The following FASTKD2 variants were observed in gnomAD, a reference collection of about 807,000 sequenced individuals.
FASTKD2 encodes FAST kinase domain-containing protein 2, mitochondrial.
FASTKD2 carries 51 observed loss-of-function variants against 63.6 expected under a neutral mutation model. The observed-to-expected ratio is 0.80, with a 90% confidence interval of 0.64 to 1.01. FASTKD2 has a LOEUF of 1.01. Among genes scored for constraint, FASTKD2 ranks in the 50% least tolerant of loss-of-function variants. FASTKD2 has a pLI of 0.00. For missense variants in FASTKD2, 786 were observed against 831.1 expected (o/e 0.95, Z 0.67); for synonymous variants, 284 against 293.4 (o/e 0.97, Z 0.33).
rs757378301 is a variant in FASTKD2, at chr2:206,766,908, A to G, written c.215A>G (p.Asp72Gly). ...TTTCATAACAGAATGCAATCAACTG[A>G]TATCATTAGATATCTCTTTCAGGAT... ...NNFHNRMQST[D>G]IIRYLFQDAF... is the part of the protein sequence containing the mutation. Residue 72 changes from aspartate to glycine, a missense_variant, in exon 2 of 12, where the codon GAT becomes GGT. Transcript: ENST00000402774. The G allele has an allele frequency of 1.1e-4, 182 of 1,597,644 alleles. No homozygotes were observed. The highest frequency in any genetic ancestry group is 1.9e-4 in the Admixed American group (11 of 57,698).
At position 206,767,072 on chromosome 2, in the gene FASTKD2, G is replaced by T; in HGVS notation, c.379G>T (p.Asp127Tyr). The change falls in exon 2 of 12, where the codon GAT (aspartate) becomes TAT (tyrosine). Residue 127 changes from aspartate (D) to tyrosine (Y), a missense_variant. Coordinates refer to ENST00000402774, the MANE Select transcript of FASTKD2 (RefSeq NM_001136193.2). Reference sequence around the variant, plus strand: ...GTCTCTTGTCCCTGTTGATAAATCTGATGATGAATTGAAGAAAGTAAACCT... The same window carrying T: ...GTCTCTTGTCCCTGTTGATAAATCTTATGATGAATTGAAGAAAGTAAACCT... ...KQSLVPVDKS[D>Y]DELKKVNLNH... 6.2e-7 allele frequency: 1 copy of T among 1,614,104 alleles called. No individual in the cohort carries two copies. Among genetic ancestry groups the T allele is most frequent in the Non-Finnish European group, 8.5e-7 (1 of 1,179,990 alleles).
At position 206,770,202 on chromosome 2, in the gene FASTKD2, C is replaced by G; in HGVS notation, c.881+8C>G. 6.7e-7 allele frequency: 1 copy of G among 1,484,212 alleles called. No individual in the cohort carries two copies. Among genetic ancestry groups the G allele is most frequent in the Non-Finnish European group, 9.4e-7 (1 of 1,061,626 alleles). 91.9% of individuals were successfully genotyped at this position (1,484,212 alleles called of 1,614,324 possible). A position where few individuals can be genotyped will look rare whatever the true frequency, so the allele number is the denominator to read the frequency against. On this transcript the variant is annotated splice_region_variant and intron_variant, in intron 3 of 11. Transcript: ENST00000402774. ...TCTACGAACGGGATTCAGGTGAGAA[C>G]TCTCTTATGCTTTCTTCATGTGGTT...
At chr2:206,791,389 A>C (rs1020611625) in intron 11 of FASTKD2, 1 of 358,468 alleles carries the variant, frequency 2.8e-6, no homozygotes, top group Non-Finnish European at 5.1e-6. Flanking sequence ...GCTACTATTT[A>C]AGACTTTGTT....
chr2:206,784,958 G>A (rs1690098494), intron 7 of FASTKD2, among the ~76,000 whole-genome samples: 1 of 152,158 alleles, frequency 6.6e-6, no homozygotes. Context: ...CTGTTTTCAC[G>A]CAGCTGATAA....
intron 7 of FASTKD2, among the ~76,000 whole-genome samples, chr2:206,784,287 A>C (rs552378303): frequency 6.6e-6 from 1 of 152,370 alleles, no homozygotes; most frequent in South Asian, 2.1e-4. Context: ...TTATGGAGGA[A>C]GGAGAAAGGA....
At position 206,794,657 on chromosome 2, in the gene FASTKD2, C is replaced by T. The variant is rs1690393531; in HGVS notation, c.*2855C>T. On this transcript the variant is annotated 3_prime_UTR_variant, in exon 12 of 12. Coordinates refer to ENST00000402774, the MANE Select transcript of FASTKD2 (RefSeq NM_001136193.2). ...CAGTTTAGAACTTTTAAAAAACATT[C>T]AAAAATTGAAAATTTCATATATACA... is the stretch of plus-strand genomic sequence containing the variant. Among the ~76,000 whole-genome samples the T allele has an allele frequency of 6.6e-6, 1 of 152,154 alleles. No individual in the cohort carries two copies. Among genetic ancestry groups the T allele is most frequent in the African/African-American group, 2.4e-5 (1 of 41,436 alleles).
At chr2:206,781,726 T>C (rs1444063647) in intron 7 of FASTKD2, among the ~76,000 whole-genome samples, 1 of 151,178 alleles carries the variant, frequency 6.6e-6, no homozygotes, top group Non-Finnish European at 1.5e-5. Context: ...CTCTGGTGTC[T>C]GACTGCTGTA....
intron 10 of FASTKD2, chr2:206,789,932 A>T (rs1299706386): frequency 6.6e-6 from 1 of 152,338 alleles, no homozygotes; most frequent in Non-Finnish European, 1.5e-5. Context: ...AATTTGTCTT[A>T]TAACAGCCAG....
At chr2:206,789,281 A>C (rs1368141842) in intron 10 of FASTKD2, 1 of 180,856 alleles carries the variant, frequency 5.5e-6, no homozygotes, top group Non-Finnish European at 1.2e-5. Context: ...ATACCCAATA[A>C]ATATTTTGCT....
rs1346172205 is a variant in FASTKD2 at position 206,792,748 on chromosome 2, G to A, written c.*946G>A. ...GACATCTTAGTATGTGCCGGGCACT[G>A]CTAAGTATTCATTTGTGTGCTGCCT... On this transcript the variant is annotated 3_prime_UTR_variant, in exon 12 of 12. Coordinates refer to ENST00000402774, the MANE Select transcript of FASTKD2 (RefSeq NM_001136193.2). Among the ~76,000 whole-genome samples the A allele has an allele frequency of 6.6e-6, 1 of 152,122 alleles. No individual in the cohort carries two copies. Among genetic ancestry groups the A allele is most frequent in the Non-Finnish European group, 1.5e-5 (1 of 68,016 alleles).
At chr2:206,788,680 T>C in intron 9 of FASTKD2, 139 bp from the exon 10 acceptor site, 1 of 618,040 alleles carries the variant, frequency 1.6e-6, no homozygotes, top group South Asian at 1.9e-5. Context: ...TGCAGTGAGC[T>C]GAGATCACAC....
At position 206,767,264 on chromosome 2, in the gene FASTKD2, A is replaced by G. The variant is rs1489331346; in HGVS notation, c.571A>G (p.Ile191Val). The G allele has an allele frequency of 5.0e-6, 8 of 1,614,234 alleles. No individual in the cohort carries two copies. Among genetic ancestry groups the G allele is most frequent in the South Asian group, 1.1e-5 (1 of 91,088 alleles). The change falls in exon 2 of 12, where the codon ATT becomes GTT. Residue 191 changes from isoleucine to valine, a missense_variant. Transcript: ENST00000402774. ...SSNYFTAMWTIAKRLSDDQKR... is the reference protein window; with the variant it reads ...SSNYFTAMWTVAKRLSDDQKR... ...CAACTATTTCACAGCAATGTGGACA[A>G]TTGCCAAAAGACTGTCTGATGACCA...
intron 6 of FASTKD2, among the ~76,000 whole-genome samples, chr2:206,772,762 A>G (rs902169923): frequency 6.6e-6 from 1 of 152,194 alleles, no homozygotes. Context: ...CTTTTATTAT[A>G]ATATAGGCTT....
Position 206,768,189 on chromosome 2 carries a change from G to A in FASTKD2, c.777+719G>A, listed in dbSNP as rs140949114. ...GAAGAATTTTAAGCAATGGGTTGAC[G>A]TGCTCAAATTTGTATTTTAGATCAC... On this transcript the variant is annotated intron_variant, in intron 2 of 11. Transcript: ENST00000402774. 2.4e-3 allele frequency among the ~76,000 whole-genome samples: 368 copies of A among 152,272 alleles called. 2 individuals carry two copies. The highest frequency in any genetic ancestry group is 8.3e-3 in the African/African-American group (345 of 41,556).
rs1439868134 is a variant in FASTKD2 at position 206,770,186 on chromosome 2, G to A, written c.873G>A (p.Thr291=). ...EPCKNVHVLR[T]GFRILVDQQV... is the part of the protein sequence containing the mutation. ...GCAAGAATGTTCATGTTCTACGAAC[G>A]GGATTCAGGTGAGAACTCTCTTATG... Residue 291 remains threonine, a synonymous_variant, in exon 3 of 12, where the codon ACG becomes ACA. Transcript: ENST00000402774. 1.9e-6 allele frequency: 3 copies of A among 1,592,088 alleles called. No individual in the cohort carries two copies. The highest frequency in any genetic ancestry group is 2.6e-6 in the Non-Finnish European group (3 of 1,160,110).
rs1301036878 is a variant in FASTKD2, at chr2:206,793,230, A to G, written c.*1428A>G. ...AGCGAGACTCTGTCTCAAAAAAAAA[A>G]AAAAAAAAAAAAAAAAAAAAATACA... On this transcript the variant is annotated 3_prime_UTR_variant, in exon 12 of 12. Coordinates refer to ENST00000402774, the MANE Select transcript of FASTKD2 (RefSeq NM_001136193.2). 2.7e-5 allele frequency among the ~76,000 whole-genome samples: 2 copies of G among 73,072 alleles called. No homozygotes were observed. Among genetic ancestry groups the G allele is most frequent in the African/African-American group, 9.5e-5 (2 of 20,950 alleles). 47.9% of individuals were successfully genotyped at this position (73,072 alleles called of 152,430 possible).
At chr2:206,783,810 C>G (rs1244310305) in intron 7 of FASTKD2, among the ~76,000 whole-genome samples, 1 of 152,096 alleles carries the variant, frequency 6.6e-6, no homozygotes, top group Admixed American at 6.5e-5. Context: ...TTCATTTAAC[C>G]TAGTGGTTTT....
chr2:206,786,357 A>G (rs1471907356), intron 7 of FASTKD2, among the ~76,000 whole-genome samples: 1 of 152,174 alleles, frequency 6.6e-6, no homozygotes, highest in Non-Finnish European at 1.5e-5. Context: ...ATAATTATGA[A>G]AAGGTTCTGG....
intron 7 of FASTKD2, among the ~76,000 whole-genome samples, chr2:206,775,535 A>G (rs1038983717): frequency 1.3e-5 from 2 of 151,840 alleles, no homozygotes; most frequent in Admixed American, 6.6e-5. Context: ...TTTTGCATCA[A>G]TCTTCATCAG....
Sources: gnomAD v4.1 joint callset for allele counts (sites outside exome capture counted in the v4.1 genomes callset) on GRCh38, gnomAD v4.1.1 for gene constraint, MANE v1.5 for transcripts, NCBI Gene and HGNC (gene_info 2026-07-23, HGNC 2026-07-21) for gene names.